The following ATRNL1 variants were observed in gnomAD, a reference collection of about 807,000 sequenced individuals.
ATRNL1 encodes attractin like 1.
In ATRNL1, 95 loss-of-function variants were observed where a neutral mutation model predicts 182.7. The observed-to-expected ratio is 0.52, with a 90% CI of 0.44 to 0.62. ATRNL1 has a LOEUF of 0.62. Among genes scored for constraint, ATRNL1 ranks in the 20% least tolerant of loss-of-function variants. The pLI, the probability that ATRNL1 is intolerant of heterozygous loss-of-function variation, is 0.00. For synonymous variants in ATRNL1, 576 were observed against 568.3 expected, an observed-to-expected ratio of 1.01 and a Z score of -0.19; for missense variants, 1,471 against 1,679.5, an observed-to-expected ratio of 0.88 and a Z score of 2.17.
intron 27 of ATRNL1, among the ~76,000 whole-genome samples, chr10:115,837,227 GT>G (rs1180780016): frequency 6.6e-6 from 1 of 152,010 alleles, no homozygotes; most frequent in African/African-American, 2.4e-5. Context: ...AATATATTTA[GT>G]TTGGCCACAT....
intron 25 of ATRNL1, among the ~76,000 whole-genome samples, chr10:115,532,420 GCTCT>G (rs1357907731): frequency 6.6e-6 from 1 of 151,882 alleles, no homozygotes; most frequent in Non-Finnish European, 1.5e-5. Context: ...TCATGATTTG[GCTCT>G]CTATCTGTTA....
chr10:115,174,355 A>T (rs1003896185), intron 8 of ATRNL1, among the ~76,000 whole-genome samples: 1 of 151,780 alleles, frequency 6.6e-6, no homozygotes, highest in Non-Finnish European at 1.5e-5. Context: ...TGTCCTTGAA[A>T]CACAGGTTTT....
At chr10:115,484,318 T>A (rs1307332790) in intron 24 of ATRNL1, among the ~76,000 whole-genome samples, 1 of 151,612 alleles carries the variant, frequency 6.6e-6, no homozygotes, top group East Asian at 1.9e-4. Context: ...ATTATGCTAT[T>A]TTATATTTTA....
chr10:115,154,179 A>G (rs1301375085), intron 5 of ATRNL1, among the ~76,000 whole-genome samples: 1 of 151,806 alleles, frequency 6.6e-6, no homozygotes, highest in Non-Finnish European at 1.5e-5. Context: ...AGAAGAATGT[A>G]TCTTCTGTCG....
intron 28 of ATRNL1, among the ~76,000 whole-genome samples, chr10:115,853,060 A>G (rs969673641): frequency 1.1e-4 from 17 of 152,134 alleles, no homozygotes; most frequent in Non-Finnish European, 2.5e-4. Context: ...TCCCATGTGA[A>G]AAATGATGGG....
intron 25 of ATRNL1, among the ~76,000 whole-genome samples, chr10:115,547,812 G>C (rs1228857263): frequency 3.3e-5 from 5 of 152,176 alleles, no homozygotes; most frequent in African/African-American, 1.2e-4. Context: ...ACAATTTCTA[G>C]AAAATCATGG....
intron 28 of ATRNL1, among the ~76,000 whole-genome samples, chr10:115,861,975 T>C (rs1181894267): frequency 1.3e-5 from 2 of 152,270 alleles, no homozygotes; most frequent in African/African-American, 2.4e-5. Context: ...TAATGTTTCA[T>C]AGATTCTTTA....
chr10:115,656,301 A>G (rs1189504068), intron 26 of ATRNL1, among the ~76,000 whole-genome samples: 1 of 152,230 alleles, frequency 6.6e-6, no homozygotes, highest in Non-Finnish European at 1.5e-5. Flanking sequence ...AATATTAAAG[A>G]GAAAAAAATA....
intron 18 of ATRNL1, among the ~76,000 whole-genome samples, chr10:115,330,042 T>C (rs1855127967): frequency 6.6e-6 from 1 of 152,166 alleles, no homozygotes; most frequent in Admixed American, 6.5e-5. Context: ...AGTGTATATA[T>C]TGTAGGCTTT....
intron 24 of ATRNL1, 44 bp from the exon 25 acceptor site, chr10:115,519,219 T>G: frequency 6.7e-7 from 1 of 1,497,090 alleles, no homozygotes; most frequent in Non-Finnish European, 9.2e-7. Context: ...CCACAGGTTT[T>G]AGAGAAGAAC....
At chr10:115,496,664 T>C (rs1358470114) in intron 24 of ATRNL1, among the ~76,000 whole-genome samples, 1 of 152,164 alleles carries the variant, frequency 6.6e-6, no homozygotes, top group Non-Finnish European at 1.5e-5. Context: ...TTAAGTTTGG[T>C]TGGAAATGAA....
At chr10:115,367,586 A>C (rs1250367151) in intron 19 of ATRNL1, among the ~76,000 whole-genome samples, 1 of 151,970 alleles carries the variant, frequency 6.6e-6, no homozygotes, top group African/African-American at 2.4e-5. Context: ...TTGGAGGAGG[A>C]GAGGAACTCT....
At chr10:115,572,247 T>C (rs958706052) in intron 26 of ATRNL1, among the ~76,000 whole-genome samples, 2 of 152,078 alleles carry the variant, frequency 1.3e-5, no homozygotes, top group East Asian at 3.8e-4. Flanking sequence ...GGCTACAGTA[T>C]GGAGAATGGA....
At chr10:115,819,404 T>C (rs375645183) in intron 27 of ATRNL1, among the ~76,000 whole-genome samples, 3 of 152,276 alleles carry the variant, frequency 2.0e-5, no homozygotes, top group South Asian at 2.1e-4. Flanking sequence ...AGAACTTTTC[T>C]GATCAGGCCT....
intron 25 of ATRNL1, among the ~76,000 whole-genome samples, chr10:115,541,512 A>G (rs1290636363): frequency 6.6e-6 from 1 of 152,228 alleles, no homozygotes; most frequent in African/African-American, 2.4e-5. Flanking sequence ...TTGAATTTAC[A>G]TATACTCTGT....
At chr10:115,617,634 A>G (rs28773857) in intron 26 of ATRNL1, among the ~76,000 whole-genome samples, 1,669 of 152,318 alleles carry the variant, frequency 0.011, 30 homozygotes, top group African/African-American at 0.038. Context: ...CTGGGATTAC[A>G]GGCATGAGCC....
intron 28 of ATRNL1, among the ~76,000 whole-genome samples, chr10:115,858,507 G>A (rs1450824565): frequency 6.6e-6 from 1 of 152,192 alleles, no homozygotes; most frequent in Non-Finnish European, 1.5e-5. Flanking sequence ...CATGGAAATA[G>A]TGAGGGGAAC....
At chr10:115,797,733 T>C (rs1949689203) in intron 27 of ATRNL1, among the ~76,000 whole-genome samples, 1 of 152,046 alleles carries the variant, frequency 6.6e-6, no homozygotes, top group Non-Finnish European at 1.5e-5. Flanking sequence ...GGGCTCCAAT[T>C]TGAAGTAGGT....
At chr10:115,098,453 C>CTT (rs71010006) in intron 1 of ATRNL1, among the ~76,000 whole-genome samples, 2,360 of 80,680 alleles carry the variant, frequency 0.029, 405 homozygotes, top group African/African-American at 0.097. Context: ...ATACTAGTTT[C>CTT]TTTTTTTTTT....
Sources: gnomAD v4.1 joint callset for allele counts (sites outside exome capture counted in the v4.1 genomes callset) on GRCh38, gnomAD v4.1.1 for gene constraint, MANE v1.5 for transcripts, NCBI Gene and HGNC (gene_info 2026-07-23, HGNC 2026-07-21) for gene names.